Variants in MYO9A observed in about 807,000 individuals in gnomAD.
The protein encoded by MYO9A is unconventional myosin-IXa.
A neutral mutation model predicts 293.3 loss-of-function variants in MYO9A; 103 were observed. That is an observed-to-expected ratio of 0.35 (90% confidence interval 0.30 to 0.41). MYO9A has a LOEUF of 0.41. MYO9A is among the 10% of genes least tolerant of loss of function. The probability of loss-of-function intolerance (pLI) is 1.00; values close to 1 mark genes in which losing one functional copy is unlikely to be tolerated. For synonymous variants in MYO9A, 1,001 were observed against 1,035.7 expected (o/e 0.97, Z 0.64); for missense variants, 2,685 against 3,033.0 (o/e 0.89, Z 2.69).
chr15:71,840,852 C>T (rs1289154822), intron 39 of MYO9A, among the ~76,000 whole-genome samples: 4 of 152,144 alleles, frequency 2.6e-5, no homozygotes, highest in African/African-American at 4.8e-5. Flanking sequence ...AGGATGGTCT[C>T]GACGTCCTGA....
At chr15:72,027,396 A>G (rs527858642) in intron 4 of MYO9A, among the ~76,000 whole-genome samples, 37 of 152,228 alleles carry the variant, frequency 2.4e-4, no homozygotes, top group Non-Finnish European at 5.0e-4. Context: ...TGGAATTAAG[A>G]GCTTTATTGA....
At chr15:72,049,181 C>T (rs1333641985) in intron 1 of MYO9A, among the ~76,000 whole-genome samples, 2 of 152,050 alleles carry the variant, frequency 1.3e-5, no homozygotes, top group African/African-American at 4.8e-5. Context: ...AACATGTTTA[C>T]TACTTTTTTA....
At chr15:71,828,110 A>G (rs2054583390) in intron 40 of MYO9A, 84 bp from the exon 41 acceptor site, 1 of 1,467,538 alleles carries the variant, frequency 6.8e-7, no homozygotes, top group Non-Finnish European at 9.2e-7. Flanking sequence ...CATGGAAGTC[A>G]GGAATCTAAG....
At position 72,046,435 on chromosome 15, in the gene MYO9A, A is replaced by G; in HGVS notation, c.129T>C (p.Ala43=). The change falls in exon 2 of 42, where the codon GCT becomes GCC. Residue 43 remains alanine (A), a synonymous_variant. Coordinates refer to ENST00000356056, the MANE Select transcript of MYO9A (RefSeq NM_006901.4). ...TGTTTATAAGAGACTCAATCACCTCAGCAGCTGTGGAGTTTTTTCTGGCAG... is the reference window on the plus strand; with the variant it reads ...TGTTTATAAGAGACTCAATCACCTCGGCAGCTGTGGAGTTTTTTCTGGCAG... ...PIPARKNSTA[A]EVIESLINKL... 1.9e-6 allele frequency: 3 copies of G among 1,614,200 alleles called. No individual in the cohort carries two copies. Among genetic ancestry groups the G allele is most frequent in the Non-Finnish European group, 8.5e-7 (1 of 1,180,038 alleles).
At chr15:72,008,719 A>G (rs924455691) in intron 7 of MYO9A, among the ~76,000 whole-genome samples, 1 of 152,182 alleles carries the variant, frequency 6.6e-6, no homozygotes, top group Admixed American at 6.5e-5. Flanking sequence ...AGCTAAGAAC[A>G]GTATATTATG....
intron 12 of MYO9A, among the ~76,000 whole-genome samples, chr15:71,971,353 G>A (rs1168528763): frequency 1.3e-5 from 2 of 151,938 alleles, no homozygotes; most frequent in Non-Finnish European, 2.9e-5. Flanking sequence ...GGGAGGCTAA[G>A]GTAGGAGGAC....
intron 39 of MYO9A, among the ~76,000 whole-genome samples, chr15:71,841,148 C>T (rs1357706668): frequency 1.3e-5 from 2 of 152,066 alleles, no homozygotes; most frequent in Non-Finnish European, 2.9e-5. Flanking sequence ...CATTGATTTT[C>T]TTGAGTTTTG....
intron 3 of MYO9A, among the ~76,000 whole-genome samples, chr15:72,030,012 C>A (rs1001496649): frequency 7.9e-5 from 12 of 152,196 alleles, no homozygotes; most frequent in South Asian, 6.2e-4. Flanking sequence ...TTTCTTCCTC[C>A]CACTTCCAAT....
chr15:71,961,592 G>C (rs535816400), intron 13 of MYO9A, among the ~76,000 whole-genome samples: 26 of 152,296 alleles, frequency 1.7e-4, no homozygotes, highest in African/African-American at 6.3e-4. Context: ...GAATCAGAGA[G>C]AGGTGAAATA....
rs1269012739 is a variant in MYO9A, at chr15:72,077,746, A to ATAT, written c.-71-31113_-71-31112insATA. ...CTCTGTCTCAAAGAAAAAAAAAAAA[A>ATAT]AAAAAAATATATATATATATATATA... On this transcript the variant is annotated intron_variant, in intron 1 of 41. Transcript: ENST00000356056. 9.4e-5 allele frequency among the ~76,000 whole-genome samples: 4 copies of ATAT among 42,488 alleles called. No homozygotes were observed. In the East Asian group the frequency reaches 1.3e-3, roughly 14 times the overall value. 27.9% of individuals were successfully genotyped at this position (42,488 alleles called of 152,430 possible).
Position 71,830,221 on chromosome 15 carries a change from T to C in MYO9A, c.6928A>G (p.Thr2310Ala). The change falls in exon 40 of 42, where the codon ACC becomes GCC. Residue 2310 changes from threonine to alanine, a missense_variant. Physicochemically the swap from Thr to Ala is moderately conservative, Grantham distance 58 (BLOSUM62 0). Transcript: ENST00000356056. The part of the protein sequence containing the change: ...LPSVSDVSEE[T>A]LTSEAAMETD... ...TCCATGGCTGCCTCACTAGTCAAGG[T>C]CTCCTCTGAGACATCAGACACAGAA... 6.2e-7 allele frequency: 1 copy of C among 1,613,992 alleles called. No individual in the cohort carries two copies. The highest frequency in any genetic ancestry group is 8.5e-7 in the Non-Finnish European group (1 of 1,179,970).
chr15:71,955,733 T>C (rs1282983017), intron 14 of MYO9A, among the ~76,000 whole-genome samples: 1 of 152,230 alleles, frequency 6.6e-6, no homozygotes. Flanking sequence ...TACAATTAAA[T>C]GCTTTTAGTA....
intron 15 of MYO9A, among the ~76,000 whole-genome samples, chr15:71,941,097 A>G (rs935445910): frequency 6.6e-6 from 1 of 152,182 alleles, no homozygotes; most frequent in Non-Finnish European, 1.5e-5. Flanking sequence ...CACTCAGATT[A>G]AAAAATGAAG....
chr15:72,000,934 C>A (rs1257724315), intron 8 of MYO9A, among the ~76,000 whole-genome samples: 2 of 152,224 alleles, frequency 1.3e-5, no homozygotes, highest in Admixed American at 1.3e-4. Flanking sequence ...AAATAAACCA[C>A]AATGAATATT....
intron 4 of MYO9A, among the ~76,000 whole-genome samples, chr15:72,026,339 A>G (rs529042136): frequency 1.6e-4 from 24 of 151,360 alleles, no homozygotes; most frequent in African/African-American, 5.1e-4. Context: ...ATACATGGAA[A>G]TTTGACAACA....
rs554371615 is a variant in MYO9A at position 72,022,507 on chromosome 15, G to A, written c.999-1490C>T. On this transcript the variant is annotated intron_variant, in intron 4 of 41. Transcript: ENST00000356056. The stretch of plus-strand genomic sequence containing the variant: ...CTGCACTCCAGCCTGGTGACAAGGC[G>A]AGACTCTGTCTCAAAAAAAAAAAAA... Among the ~76,000 whole-genome samples the A allele has an allele frequency of 2.0e-5, 3 of 151,234 alleles. No homozygotes were observed. In the East Asian group the frequency reaches 5.9e-4, roughly 30 times the overall value.
rs375862197 is a variant in MYO9A at position 71,830,779 on chromosome 15, C to A, written c.6838-468G>T. On this transcript the variant is annotated intron_variant, in intron 39 of 41. Transcript: ENST00000356056. ...CATCATAGTAAGTTCTGATGGATAA[C>A]AGTGCTCTATAACTGTAGCCTTGGA... is the stretch of plus-strand genomic sequence containing the variant. Among the ~76,000 whole-genome samples the A allele has an allele frequency of 7.9e-5, 12 of 152,156 alleles. No individual in the cohort carries two copies. In the East Asian group the frequency reaches 1.5e-3, roughly 19 times the overall value.
chr15:71,898,140 G>A lies in MYO9A; in HGVS notation c.4363C>T (p.Leu1455Phe). The change falls in exon 25 of 42, where the codon CTT (leucine) becomes TTT (phenylalanine). Residue 1455 changes from leucine to phenylalanine, a missense_variant. By Grantham distance (22) the Leu-to-Phe change is conservative. This residue lies in a region of MYO9A where 1,434 missense variants were observed against 1,497.7 expected (regional missense o/e 0.96). Coordinates refer to ENST00000356056, the MANE Select transcript of MYO9A (RefSeq NM_006901.4). ...GTTTCCCTGTTGATATCCAAAGTAA[G>A]AGCTTCCCCCGCTGTGTCTTCATTT... ...LENEDTAGEA[L>F]TLDINRETRR... 1 of 1,614,102 alleles carries A rather than the reference G, an allele frequency of 6.2e-7. No homozygotes were observed. Among genetic ancestry groups the A allele is most frequent in the South Asian group, 1.1e-5 (1 of 91,068 alleles).
intron 32 of MYO9A, among the ~76,000 whole-genome samples, chr15:71,868,677 G>A (rs1319985502): frequency 6.6e-6 from 1 of 152,112 alleles, no homozygotes. Context: ...GCACAAAAGA[G>A]TACTAGCTGT....
Sources: allele counts gnomAD v4.1 joint callset (sites outside exome capture counted in the v4.1 genomes callset), GRCh38; gene constraint gnomAD v4.1.1; regional missense constraint gnomAD v4.1.1; transcripts MANE v1.5; gene names NCBI Gene and HGNC (gene_info 2026-07-23, HGNC 2026-07-21).